KHDRBS2: variants seen among roughly 807,000 people sequenced by gnomAD.
The protein encoded by KHDRBS2 is KH domain-containing, RNA-binding, signal transduction-associated protein 2.
KHDRBS2 carries 26 observed loss-of-function variants against 44.3 expected under a neutral mutation model. The observed-to-expected ratio is 0.59, with a 90% CI of 0.43 to 0.81. The LOEUF is 0.81. Among genes scored for constraint, KHDRBS2 ranks in the 40% least tolerant of loss-of-function variants. The pLI is 0.00. For synonymous variants in KHDRBS2, 194 were observed against 151.1 expected (o/e 1.28, Z -2.08); for missense variants, 476 against 433.1 (o/e 1.10, Z -0.88).
At chr6:61,994,981 G>A (rs570800241) in intron 3 of KHDRBS2, among the ~76,000 whole-genome samples, 3 of 152,154 alleles carry the variant, frequency 2.0e-5, no homozygotes, top group South Asian at 4.2e-4. Context: ...GAAAGCCCGC[G>A]TGGCTTGAGC....
At position 62,038,627 on chromosome 6, in the gene KHDRBS2, G is replaced by A. The variant is rs146066271; in HGVS notation, c.336+9251C>T. ...AAATTACTGCTGATGACGCACTTGA[G>A]TTAAGTGCAGAATTTTTCTCGTTAA... On this transcript the variant is annotated intron_variant, in intron 3 of 8. Coordinates refer to ENST00000281156, the MANE Select transcript of KHDRBS2 (RefSeq NM_152688.4). Among the ~76,000 whole-genome samples, 538 of 152,054 alleles carry A rather than the reference G, an allele frequency of 3.5e-3. 2 individuals carry two copies. Among genetic ancestry groups the A allele is most frequent in the African/African-American group, 0.013 (520 of 41,518 alleles).
At chr6:61,603,629 C>A in the KHDRBS2 span, among the ~76,000 whole-genome samples, 1 of 152,144 alleles carries the variant, frequency 6.6e-6, no homozygotes. Flanking sequence ...CTTTTAGAGG[C>A]CCTCAAAATC....
chr6:62,186,492 A>G (rs986974172), intron 1 of KHDRBS2, among the ~76,000 whole-genome samples: 1 of 152,020 alleles, frequency 6.6e-6, no homozygotes, highest in Non-Finnish European at 1.5e-5. Context: ...TAGATTGTTA[A>G]TTATTGATGG....
intron 6 of KHDRBS2, among the ~76,000 whole-genome samples, chr6:61,799,404 T>C (rs1785904642): frequency 1.3e-5 from 2 of 152,008 alleles, no homozygotes; most frequent in South Asian, 2.1e-4. Flanking sequence ...ACATAGTTCA[T>C]GATTTTGTTA....
chr6:61,860,273 G>T lies in KHDRBS2; in HGVS notation c.810+34362C>A, dbSNP rs562107154. Among the ~76,000 whole-genome samples, 6 of 151,790 alleles carry T rather than the reference G, an allele frequency of 4.0e-5. No individual in the cohort carries two copies. In the East Asian group the frequency reaches 9.7e-4, roughly 24 times the overall value. On this transcript the variant is annotated intron_variant, in intron 6 of 8. Coordinates refer to ENST00000281156, the MANE Select transcript of KHDRBS2 (RefSeq NM_152688.4). Reference sequence around the variant, plus strand: ...AGACTCATGGTTAATGTCTTTTTTTGTGTGTGTGTCATGGGGGTTGGTTGT... The same window carrying T: ...AGACTCATGGTTAATGTCTTTTTTTTTGTGTGTGTCATGGGGGTTGGTTGT...
chr6:62,179,921 T>A (rs1821910872), intron 1 of KHDRBS2, among the ~76,000 whole-genome samples: 1 of 151,860 alleles, frequency 6.6e-6, no homozygotes, highest in South Asian at 2.1e-4. Flanking sequence ...TTGGCATATC[T>A]CCATGACTAA....
chr6:62,245,529 A>T (rs1835406074), intron 1 of KHDRBS2, among the ~76,000 whole-genome samples: 1 of 152,144 alleles, frequency 6.6e-6, no homozygotes, highest in Non-Finnish European at 1.5e-5. Context: ...AATTATTGAA[A>T]TAACTATTGG....
At chr6:61,753,163 C>G (rs545776196) in intron 6 of KHDRBS2, among the ~76,000 whole-genome samples, 1 of 152,084 alleles carries the variant, frequency 6.6e-6, no homozygotes, top group Non-Finnish European at 1.5e-5. Flanking sequence ...CTTTCTCTCT[C>G]CCTCTCATTT....
At chr6:61,656,402 A>AAT in the KHDRBS2 span, among the ~76,000 whole-genome samples, 1 of 152,030 alleles carries the variant, frequency 6.6e-6, no homozygotes, top group South Asian at 2.1e-4. Flanking sequence ...CAGAGAGGTT[A>AAT]ATTGACAACT....
intron 4 of KHDRBS2, among the ~76,000 whole-genome samples, chr6:61,959,836 T>C (rs1175807148): frequency 9.2e-5 from 14 of 152,168 alleles, no homozygotes; most frequent in Non-Finnish European, 1.5e-4. Flanking sequence ...AATAAGATAT[T>C]AAATATGCTT....
chr6:62,122,939 T>C (rs1367077947), intron 2 of KHDRBS2, among the ~76,000 whole-genome samples: 1 of 125,520 alleles, frequency 8.0e-6, no homozygotes, highest in Non-Finnish European at 1.7e-5. Context: ...CTAGGGTACA[T>C]GTGAACAACG....
chr6:62,122,059 C>A (rs1262623032), intron 2 of KHDRBS2, among the ~76,000 whole-genome samples: 2 of 151,920 alleles, frequency 1.3e-5, no homozygotes, highest in Non-Finnish European at 2.9e-5. Flanking sequence ...TCTAGTGACC[C>A]GAAATGTTGC....
chr6:61,819,385 A>C (rs566909516), intron 6 of KHDRBS2, among the ~76,000 whole-genome samples: 1 of 152,088 alleles, frequency 6.6e-6, no homozygotes, highest in South Asian at 2.1e-4. Flanking sequence ...AAAATGTTGG[A>C]GCTTACTTTG....
At chr6:62,114,723 C>T (rs1346957748) in intron 2 of KHDRBS2, among the ~76,000 whole-genome samples, 2 of 149,850 alleles carry the variant, frequency 1.3e-5, no homozygotes, top group Admixed American at 6.6e-5. Context: ...TTATATTTTG[C>T]CCATTTTACA....
chr6:62,064,884 T>C (rs1200553601), intron 2 of KHDRBS2, among the ~76,000 whole-genome samples: 2 of 150,216 alleles, frequency 1.3e-5, no homozygotes, highest in East Asian at 3.9e-4. Flanking sequence ...CCTACTCATC[T>C]GACAAAGGGC....
chr6:61,574,383 C>T, the KHDRBS2 span: 1 of 1,525,504 alleles, frequency 6.6e-7, no homozygotes. Context: ...ACTGACCTGC[C>T]CGTGAAGAGG....
intron 6 of KHDRBS2, among the ~76,000 whole-genome samples, chr6:61,767,380 A>C (rs1256475128): frequency 6.6e-6 from 1 of 152,016 alleles, no homozygotes; most frequent in Non-Finnish European, 1.5e-5. Context: ...TGTAGGCAAC[A>C]TATCATTTGG....
At chr6:62,057,175 A>G (rs1790482172) in intron 2 of KHDRBS2, among the ~76,000 whole-genome samples, 2 of 151,942 alleles carry the variant, frequency 1.3e-5, no homozygotes, top group Non-Finnish European at 2.9e-5. Flanking sequence ...AAATTTATAA[A>G]AGTACAATCT....
intron 6 of KHDRBS2, among the ~76,000 whole-genome samples, chr6:61,851,527 A>G (rs182293737): frequency 6.6e-6 from 1 of 152,266 alleles, no homozygotes; most frequent in South Asian, 2.1e-4. Flanking sequence ...GACTGGTATC[A>G]TCATAAGAAA....
Sources: allele counts gnomAD v4.1 joint callset (sites outside exome capture counted in the v4.1 genomes callset), GRCh38; gene constraint gnomAD v4.1.1; transcripts MANE v1.5; gene names NCBI Gene and HGNC (gene_info 2026-07-23, HGNC 2026-07-21).